Variants in VPS13B observed in about 807,000 individuals in gnomAD.
The protein encoded by VPS13B is vacuolar protein sorting 13 homolog B, also known as intermembrane lipid transfer protein VPS13B.
Under a neutral mutation model 426.4 loss-of-function variants are expected in VPS13B, and 285 were observed. The observed-to-expected ratio is 0.67, with a 90% confidence interval of 0.61 to 0.74. The LOEUF (loss-of-function observed/expected upper bound fraction) is 0.74, where lower values mean the gene tolerates loss of function less well. Ranked by LOEUF, VPS13B falls within the 30% of genes least tolerant of loss-of-function variation. The pLI is 0.00. For synonymous variants in VPS13B, 1,676 were observed against 1,676.4 expected (o/e 1.00, Z 0.01); for missense variants, 4,537 against 4,782.6 (o/e 0.95, Z 1.51).
At chr8:99,593,339 C>G (rs1319034076) in intron 33 of VPS13B, among the ~76,000 whole-genome samples, 1 of 151,998 alleles carries the variant, frequency 6.6e-6, no homozygotes, top group Non-Finnish European at 1.5e-5. Flanking sequence ...TAGAGAAAGG[C>G]AAATCAAAAC....
intron 19 of VPS13B, among the ~76,000 whole-genome samples, chr8:99,326,433 A>G (rs984194332): frequency 1.9e-5 from 2 of 106,066 alleles, no homozygotes; most frequent in African/African-American, 7.5e-5. Flanking sequence ...CAGAATTTCT[A>G]TCTATCATCT....
chr8:99,312,542 T>A (rs1189287107), intron 19 of VPS13B, among the ~76,000 whole-genome samples: 1 of 152,260 alleles, frequency 6.6e-6, no homozygotes. Context: ...AGATCAGCTG[T>A]TGGTCCGATG....
chr8:99,066,852 C>T (rs1170214680), intron 3 of VPS13B, among the ~76,000 whole-genome samples: 1 of 152,144 alleles, frequency 6.6e-6, no homozygotes, highest in Non-Finnish European at 1.5e-5. Context: ...AGACACTTCT[C>T]AAAAGAAGAC....
At chr8:99,546,011 C>T (rs1388309356) in intron 30 of VPS13B, among the ~76,000 whole-genome samples, 2 of 152,032 alleles carry the variant, frequency 1.3e-5, no homozygotes, top group African/African-American at 4.8e-5. Context: ...ATTTTAACAT[C>T]ATACATTAAG....
At chr8:99,048,488 T>C (rs531470314) in intron 3 of VPS13B, among the ~76,000 whole-genome samples, 2 of 152,284 alleles carry the variant, frequency 1.3e-5, no homozygotes, top group East Asian at 3.9e-4. Flanking sequence ...GTCTATCTTG[T>C]TTCTTAGATC....
intron 43 of VPS13B, among the ~76,000 whole-genome samples, chr8:99,804,507 C>T (rs1563924291): frequency 6.6e-6 from 1 of 152,174 alleles, no homozygotes; most frequent in Non-Finnish European, 1.5e-5. Flanking sequence ...GGAGTGACTG[C>T]AGTCTCTGGC....
At chr8:99,778,366 C>A (rs1176298210) in intron 41 of VPS13B, among the ~76,000 whole-genome samples, 1 of 152,054 alleles carries the variant, frequency 6.6e-6, no homozygotes, top group Non-Finnish European at 1.5e-5. Context: ...AGCTACAGAG[C>A]AGTTCTATAA....
intron 19 of VPS13B, among the ~76,000 whole-genome samples, chr8:99,312,192 T>C (rs1588237550): frequency 6.6e-6 from 1 of 152,206 alleles, no homozygotes; most frequent in South Asian, 2.1e-4. Context: ...TTGTTATGTG[T>C]GAATTTGATC....
chr8:99,802,887 A>C (rs1208950526), intron 43 of VPS13B, among the ~76,000 whole-genome samples: 1 of 152,118 alleles, frequency 6.6e-6, no homozygotes, highest in Non-Finnish European at 1.5e-5. Flanking sequence ...TGAAGAAATC[A>C]CTCAGCCTCT....
intron 2 of VPS13B, among the ~76,000 whole-genome samples, chr8:99,027,154 T>C (rs758589381): frequency 5.3e-5 from 8 of 152,176 alleles, no homozygotes; most frequent in Non-Finnish European, 8.8e-5. Flanking sequence ...TGGGAGTACA[T>C]GTGTGAGCCA....
In VPS13B at chr8:99,784,238, C is replaced by A. The variant is rs567262334; in HGVS notation, c.7780-77C>A. On this transcript the variant is annotated intron_variant, in intron 42 of 61. Coordinates refer to ENST00000357162, the MANE Select transcript of VPS13B (RefSeq NM_152564.5). ...TTTAGGGTTTCTGTGTTGTAACAATCGCCACTGGGCAGACAGCTGCCAAAC... is the reference window on the plus strand; with the variant it reads ...TTTAGGGTTTCTGTGTTGTAACAATAGCCACTGGGCAGACAGCTGCCAAAC... The A allele has an allele frequency of 6.9e-6, 11 of 1,586,120 alleles. No homozygotes were observed. In the African/African-American group the frequency reaches 1.3e-4, roughly 19 times the overall value.
chr8:99,839,848 T>C (rs1815589781), intron 54 of VPS13B, among the ~76,000 whole-genome samples: 1 of 152,286 alleles, frequency 6.6e-6, no homozygotes. Context: ...AATTTTCTTC[T>C]TGTATCAATC....
intron 43 of VPS13B, among the ~76,000 whole-genome samples, chr8:99,809,122 T>C (rs1299669072): frequency 6.6e-6 from 1 of 152,218 alleles, no homozygotes; most frequent in Non-Finnish European, 1.5e-5. Flanking sequence ...GCAGGCCTTT[T>C]ACCATTTGAT....
intron 31 of VPS13B, among the ~76,000 whole-genome samples, chr8:99,574,309 T>C (rs920977255): frequency 1.3e-5 from 2 of 152,228 alleles, no homozygotes; most frequent in Non-Finnish European, 2.9e-5. Context: ...TCCTGCCTGA[T>C]TGCCCTGGCC....
At position 99,294,179 on chromosome 8, in the gene VPS13B, G is replaced by A. The variant is rs1394489747; in HGVS notation, c.2824+18925G>A. On this transcript the variant is annotated intron_variant, in intron 19 of 61. Transcript: ENST00000357162. The stretch of plus-strand genomic sequence containing the variant: ...TGATAGACTGGATTAAGAAAATATG[G>A]CACATATACATCATGGAATACTATG... 4.9e-5 allele frequency among the ~76,000 whole-genome samples: 3 copies of A among 61,244 alleles called. 1 individual carries two copies. The highest frequency in any genetic ancestry group is 1.1e-4 in the Non-Finnish European group (3 of 27,574). The allele number at this position is 61,244 out of a possible 152,430, so 40.2% of individuals were successfully genotyped here. A position where few individuals can be genotyped will look rare whatever the true frequency, so the allele number is the denominator to read the frequency against.
chr8:99,799,841 T>A (rs1813034220), intron 43 of VPS13B, among the ~76,000 whole-genome samples: 1 of 152,204 alleles, frequency 6.6e-6, no homozygotes, highest in South Asian at 2.1e-4. Context: ...TGTTTGTATT[T>A]TGTCAAAATT....
chr8:99,032,253 C>T (rs988499100), intron 2 of VPS13B, among the ~76,000 whole-genome samples: 4 of 151,138 alleles, frequency 2.6e-5, no homozygotes, highest in Non-Finnish European at 4.4e-5. Context: ...AGACACTAAA[C>T]TCAAACTGCT....
At chr8:99,082,638 A>G (rs1047691925) in intron 3 of VPS13B, among the ~76,000 whole-genome samples, 20 of 152,164 alleles carry the variant, frequency 1.3e-4, no homozygotes, top group African/African-American at 4.6e-4. Flanking sequence ...TAATTTTTGT[A>G]TAAGGTGTAA....
chr8:99,397,406 G>C (rs532836234), intron 21 of VPS13B, among the ~76,000 whole-genome samples: 1 of 152,176 alleles, frequency 6.6e-6, no homozygotes, highest in African/African-American at 2.4e-5. Flanking sequence ...GCGTTCCAAA[G>C]TGCTGGGATT....
Sources: gnomAD v4.1 joint callset for allele counts (sites outside exome capture counted in the v4.1 genomes callset) on GRCh38, gnomAD v4.1.1 for gene constraint, MANE v1.5 for transcripts, NCBI Gene and HGNC (gene_info 2026-07-23, HGNC 2026-07-21) for gene names.